Variants in ZNF667 observed in about 807,000 individuals in gnomAD.
ZNF667 encodes the protein myocardial ischemic preconditioning upregulated 1 ortholog.
Under a neutral mutation model 31.8 loss-of-function variants are expected in ZNF667, and 13 were observed. The ratio of observed to expected loss-of-function variants is 0.41; its 90% confidence interval spans 0.27 to 0.65. The LOEUF (loss-of-function observed/expected upper bound fraction) is 0.65, where lower values mean the gene tolerates loss of function less well. Among genes scored for constraint, ZNF667 ranks in the 30% least tolerant of loss-of-function variants. The pLI, the probability that ZNF667 is intolerant of heterozygous loss-of-function variation, is 0.32. For missense variants in ZNF667, 642 were observed against 725.6 expected (o/e 0.88, Z 1.32); for synonymous variants, 228 against 247.1 (o/e 0.92, Z 0.73).
chr19:56,463,200 A>G (rs2043087102), intron 3 of ZNF667, among the ~76,000 whole-genome samples: 1 of 152,152 alleles, frequency 6.6e-6, no homozygotes, highest in South Asian at 2.1e-4. Flanking sequence ...GAGTGACACC[A>G]TCAGACAACA....
intron 3 of ZNF667, among the ~76,000 whole-genome samples, chr19:56,466,666 T>C (rs2043167369): frequency 6.6e-6 from 1 of 152,180 alleles, no homozygotes; most frequent in East Asian, 1.9e-4. Context: ...AGTAGCCACA[T>C]CCTGAGCTGA....
intron 5 of ZNF667, among the ~76,000 whole-genome samples, chr19:56,459,442 A>T (rs2042998866): frequency 6.6e-6 from 1 of 152,004 alleles, no homozygotes; most frequent in Non-Finnish European, 1.5e-5. Context: ...TGGGTTTTTT[A>T]GTTCTGTACT....
Position 56,458,180 on chromosome 19 carries a change from C to T in ZNF667, c.228G>A (p.Glu76=). ...CAGGAGCCCGGCGTCTTCTTACTGG[C>T]TCTACCATCCAGGGTGCTTTCCCTT... ...LEKGKAPWMV[E]PVRRRRAPDS... is the part of the protein sequence containing the mutation. Residue 76 remains glutamate (E), a synonymous_variant, in exon 6 of 7, where the codon GAG becomes GAA. Coordinates refer to ENST00000504904, the MANE Select transcript of ZNF667 (RefSeq NM_001321356.2). 5 of 1,614,216 alleles carry T rather than the reference C, an allele frequency of 3.1e-6. No homozygotes were observed. Among genetic ancestry groups the T allele is most frequent in the Non-Finnish European group, 4.2e-6 (5 of 1,180,032 alleles).
intron 4 of ZNF667, 44 bp downstream of exon 4, chr19:56,462,294 A>C: frequency 6.2e-7 from 1 of 1,613,324 alleles, no homozygotes; most frequent in Non-Finnish European, 8.5e-7. Context: ...ACATCTCACA[A>C]GACACGATGG....
At chr19:56,458,076 G>T in intron 6 of ZNF667, 79 bp downstream of exon 6, 3 of 1,274,408 alleles carry the variant, frequency 2.4e-6, no homozygotes, top group Non-Finnish European at 3.4e-6. Context: ...TCTGGTGTTT[G>T]TAAGTCACCT....
At chr19:56,459,089 T>C (rs569555745) in intron 5 of ZNF667, among the ~76,000 whole-genome samples, 1 of 152,234 alleles carries the variant, frequency 6.6e-6, no homozygotes, top group African/African-American at 2.4e-5. Context: ...AGCTGGAGTG[T>C]GCTAGAGAAC....
chr19:56,446,559 C>T (rs2042714758), intron 6 of ZNF667, among the ~76,000 whole-genome samples: 1 of 152,170 alleles, frequency 6.6e-6, no homozygotes, highest in Admixed American at 6.6e-5. Flanking sequence ...TAGTATATGA[C>T]CTGTTCACCT....
intron 3 of ZNF667, among the ~76,000 whole-genome samples, chr19:56,463,273 G>A (rs1326178387): frequency 6.6e-6 from 1 of 152,160 alleles, no homozygotes; most frequent in Admixed American, 6.5e-5. Flanking sequence ...GAGGGAGCAG[G>A]AGTGAGGACA....
rs187154220 is a variant in ZNF667 at position 56,458,106 on chromosome 19, T to A, written c.253+49A>T. The A allele has an allele frequency of 8.3e-5, 126 of 1,509,322 alleles. 2 individuals carry two copies. The African/African-American group carries it at 1.6e-3, about 19-fold the overall frequency. The allele number at this position is 1,509,322 out of a possible 1,614,324, so 93.5% of individuals were successfully genotyped here. A position where few individuals can be genotyped will look rare whatever the true frequency, so the allele number is the denominator to read the frequency against. ...TCACCTAATATATGGCATTCTGTTA[T>A]AGCAGCCCCAGTAGACTGAGACATA... is the stretch of plus-strand genomic sequence containing the variant. On this transcript the variant is annotated intron_variant, in intron 6 of 6. Transcript: ENST00000504904.
intron 6 of ZNF667, among the ~76,000 whole-genome samples, chr19:56,452,158 C>A (rs1406557679): frequency 6.6e-6 from 1 of 151,608 alleles, no homozygotes; most frequent in Non-Finnish European, 1.5e-5. Context: ...AAGCGATTCT[C>A]CTGCCTCAGC....
chr19:56,442,465 C>T lies in ZNF667; in HGVS notation c.530G>A (p.Cys177Tyr). Residue 177 changes from cysteine (C) to tyrosine (Y), a missense_variant, in exon 7 of 7, where the codon TGT (cysteine) becomes TAT (tyrosine). Physicochemically the swap from Cys to Tyr is radical, Grantham distance 194. Transcript: ENST00000504904. ...TGEKPFECSNCRKAFRQISSI... is the reference protein window; with the variant it reads ...TGEKPFECSNYRKAFRQISSI... Reference sequence around the variant, plus strand: ...TGAGATCTGTCTGAAAGCTTTTCTACAATTACTGCATTCAAAAGGCTTCTC... The same window carrying T: ...TGAGATCTGTCTGAAAGCTTTTCTATAATTACTGCATTCAAAAGGCTTCTC... The T allele has an allele frequency of 6.2e-7, 1 of 1,613,890 alleles. No homozygotes were observed. Among genetic ancestry groups the T allele is most frequent in the Non-Finnish European group, 8.5e-7 (1 of 1,179,868 alleles).
chr19:56,473,828 C>T (rs1052996016), intron 2 of ZNF667, among the ~76,000 whole-genome samples, 184 bp downstream of exon 2: 11 of 152,252 alleles, frequency 7.2e-5, no homozygotes, highest in African/African-American at 2.6e-4. Flanking sequence ...AAATACATGA[C>T]TTTGAAAAGG....
rs747760408 is a variant in ZNF667, at chr19:56,441,294, G to A, written c.1701C>T (p.Gly567=). 3 of 1,614,152 alleles carry A rather than the reference G, an allele frequency of 1.9e-6. No individual in the cohort carries two copies. In the South Asian group the frequency reaches 3.3e-5, roughly 18 times the overall value. The change falls in exon 7 of 7, where the codon GGC becomes GGT. Residue 567 remains glycine (G), a synonymous_variant. Transcript: ENST00000504904. This position sits in a 1 kb window ranked among gnomAD's most constrained non-coding sequence, Gnocchi z 4.2. ...TTCTCTGATGTCGAATAAGGTCTGA[G>A]CCACTGCTAAATGCCTTCCCACATT... is the stretch of plus-strand genomic sequence containing the variant. ...CNECGKAFSS[G]SDLIRHQRSH... is the part of the protein sequence containing the mutation.
chr19:56,474,474 T>C (rs980324436), intron 1 of ZNF667: 1 of 152,288 alleles, frequency 6.6e-6, no homozygotes, highest in Non-Finnish European at 1.5e-5. Context: ...GCTATGCATA[T>C]GCATGTCTAG....
intron 6 of ZNF667, among the ~76,000 whole-genome samples, chr19:56,457,102 C>T (rs1431842699): frequency 6.6e-6 from 1 of 152,034 alleles, no homozygotes; most frequent in Non-Finnish European, 1.5e-5. Context: ...TAAGCAGAAA[C>T]TCAATGAATG....
chr19:56,457,474 C>A (rs2042957746), intron 6 of ZNF667, among the ~76,000 whole-genome samples: 1 of 152,128 alleles, frequency 6.6e-6, no homozygotes, highest in Non-Finnish European at 1.5e-5. Flanking sequence ...TTGGGCAAGT[C>A]AACAAACCTC....
intron 4 of ZNF667, among the ~76,000 whole-genome samples, chr19:56,461,874 T>C (rs960075754): frequency 1.3e-5 from 2 of 152,142 alleles, no homozygotes; most frequent in Non-Finnish European, 2.9e-5. Context: ...CTTGGGACCT[T>C]AGTTAAAGAG....
chr19:56,459,346 G>T (rs2042996905), intron 5 of ZNF667, among the ~76,000 whole-genome samples: 1 of 152,154 alleles, frequency 6.6e-6, no homozygotes, highest in African/African-American at 2.4e-5. Context: ...GTGGTGCCAG[G>T]GTGGGGGCCT....
intron 6 of ZNF667, among the ~76,000 whole-genome samples, chr19:56,448,581 G>A (rs150009946): frequency 0.014 from 2,071 of 152,006 alleles, 32 homozygotes; most frequent in Middle Eastern, 0.027. Context: ...GCTCCAAGGG[G>A]AGAGGGAAGA....
Sources: gnomAD v4.1 joint callset for allele counts (sites outside exome capture counted in the v4.1 genomes callset) on GRCh38, gnomAD v4.1.1 for gene constraint, Gnocchi (gnomAD v3.1) non-coding constraint, MANE v1.5 for transcripts, NCBI Gene and HGNC (gene_info 2026-07-23, HGNC 2026-07-21) for gene names.